Variants in SPATA22 observed in about 807,000 individuals in gnomAD.
SPATA22 encodes the protein spermatogenesis-associated protein 22.
Under a neutral mutation model 47.8 loss-of-function variants are expected in SPATA22, and 29 were observed. The ratio of observed to expected loss-of-function variants is 0.61; its 90% confidence interval spans 0.45 to 0.83. The LOEUF (loss-of-function observed/expected upper bound fraction) is 0.83. SPATA22 is among the 40% of genes least tolerant of loss of function. The probability of loss-of-function intolerance (pLI) is 0.00; values close to 1 mark genes in which losing one functional copy is unlikely to be tolerated. For synonymous variants in SPATA22, 133 were observed against 140.9 expected, an observed-to-expected ratio of 0.94 and a Z score of 0.40; for missense variants, 410 against 421.7, an observed-to-expected ratio of 0.97 and a Z score of 0.24.
intron 3 of SPATA22, among the ~76,000 whole-genome samples, chr17:3,464,575 G>A (rs1373201697): frequency 7.0e-6 from 1 of 141,988 alleles, no homozygotes; most frequent in Non-Finnish European, 1.6e-5. Flanking sequence ...AGGAAGTGAG[G>A]AGCGTCTCTG....
At chr17:3,499,267 T>G (rs528643312) in intron 1 of SPATA22, 30 of 544,752 alleles carry the variant, frequency 5.5e-5, no homozygotes, top group Non-Finnish European at 8.5e-5. Flanking sequence ...AGATATCATA[T>G]TTTATGTATG....
At chr17:3,509,748 T>C (rs2074087253) in intron 1 of SPATA22, among the ~76,000 whole-genome samples, 1 of 152,212 alleles carries the variant, frequency 6.6e-6, no homozygotes, top group African/African-American at 2.4e-5. Flanking sequence ...CATACTGTCT[T>C]CCTCAATTGT....
At chr17:3,507,919 C>T (rs987768761) in intron 1 of SPATA22, among the ~76,000 whole-genome samples, 1 of 152,134 alleles carries the variant, frequency 6.6e-6, no homozygotes, top group African/African-American at 2.4e-5. Context: ...TTTTTCTACC[C>T]GTCCACCCAA....
chr17:3,489,302 G>T, intron 1 of SPATA22: 1 of 1,613,270 alleles, frequency 6.2e-7, no homozygotes, highest in East Asian at 2.2e-5. Flanking sequence ...TGAGAAAAAT[G>T]ATTAAACATG....
chr17:3,444,903 A>C (rs2072692235), intron 7 of SPATA22, among the ~76,000 whole-genome samples: 1 of 152,034 alleles, frequency 6.6e-6, no homozygotes, highest in Admixed American at 6.6e-5. Context: ...GCACTATGAA[A>C]GCTAACCATC....
chr17:3,469,318 C>A lies in SPATA22; in HGVS notation c.8G>T (p.Arg3Leu). The change falls in exon 2 of 9, where the codon CGA becomes CTA. Residue 3 changes from arginine (R) to leucine (L), a missense_variant. By Grantham distance (102) the Arg-to-Leu change is moderately radical (BLOSUM62 -2). Transcript: ENST00000572969. MK[R>L]SLNENSARST... Reference sequence around the variant, plus strand: ...TCGAGCTGAATTTTCATTTAGGCTTCGCTTCATTTCCTTCAATATCAAAAT... The same window carrying A: ...TCGAGCTGAATTTTCATTTAGGCTTAGCTTCATTTCCTTCAATATCAAAAT... The A allele has an allele frequency of 6.4e-7, 1 of 1,569,090 alleles. No individual in the cohort carries two copies.
At chr17:3,496,346 A>G (rs1209317787) in intron 1 of SPATA22, among the ~76,000 whole-genome samples, 1 of 152,248 alleles carries the variant, frequency 6.6e-6, no homozygotes, top group African/African-American at 2.4e-5. Flanking sequence ...TAAGTGCTGT[A>G]AAAGAAATAC....
intron 1 of SPATA22, among the ~76,000 whole-genome samples, chr17:3,491,170 A>T (rs1417280087): frequency 1.3e-5 from 2 of 152,226 alleles, no homozygotes; most frequent in Non-Finnish European, 2.9e-5. Flanking sequence ...GATAGCAGGA[A>T]AACATCCTGG....
chr17:3,488,324 A>G lies in SPATA22; in HGVS notation c.-73-18926T>C, dbSNP rs536651680. Among the ~76,000 whole-genome samples the G allele has an allele frequency of 6.6e-6, 1 of 152,316 alleles. No individual in the cohort carries two copies. The highest frequency in any genetic ancestry group is 2.1e-4 in the South Asian group (1 of 4,830). On this transcript the variant is annotated intron_variant, in intron 1 of 8. Coordinates refer to the SPATA22 transcript ENST00000541913. This position sits in a 1 kb window ranked among gnomAD's most constrained non-coding sequence, Gnocchi z 6.1. The stretch of plus-strand genomic sequence containing the variant: ...CCTAATAGTACAGGCATCATTTCAT[A>G]TGAGTTAGAAGAAATGAACACAAGT...
chr17:3,474,855 C>T (rs922825714), upstream of SPATA22, among the ~76,000 whole-genome samples: 2 of 152,168 alleles, frequency 1.3e-5, no homozygotes, highest in Non-Finnish European at 2.9e-5. Context: ...ACCCTATTGT[C>T]CTGTGAAAAA....
intron 1 of SPATA22, among the ~76,000 whole-genome samples, chr17:3,491,929 G>A (rs2073833513): frequency 1.4e-5 from 2 of 146,164 alleles, no homozygotes; most frequent in Non-Finnish European, 3.0e-5. Flanking sequence ...CTAGGCTGGA[G>A]TGCAGTGGTC....
chr17:3,450,129 AGG>A (rs2072823476), intron 5 of SPATA22, among the ~76,000 whole-genome samples: 1 of 152,218 alleles, frequency 6.6e-6, no homozygotes, highest in African/African-American at 2.4e-5. Flanking sequence ...CTGGGGCTAG[AGG>A]CATAAGCCAC....
intron 1 of SPATA22, among the ~76,000 whole-genome samples, chr17:3,486,988 C>T (rs1400385207): frequency 3.3e-5 from 5 of 152,086 alleles, no homozygotes; most frequent in South Asian, 2.1e-4. Flanking sequence ...AATGAGACCA[C>T]GGTTAATCTG....
At chr17:3,455,303 G>C (rs1442802443) in intron 5 of SPATA22, among the ~76,000 whole-genome samples, 1 of 152,054 alleles carries the variant, frequency 6.6e-6, no homozygotes. Context: ...AGTTTCATTA[G>C]ATCCCATTTG....
intron 2 of SPATA22, chr17:3,468,885 A>G (rs7209613): frequency 0.88 from 827,244 of 942,994 alleles, 365,701 homozygotes; most frequent in Non-Finnish European, 0.9. Flanking sequence ...CATCCTTGCC[A>G]TCTGTCTTTA....
intron 5 of SPATA22, among the ~76,000 whole-genome samples, chr17:3,459,018 G>A (rs564043922): frequency 1.5e-5 from 2 of 135,916 alleles, no homozygotes; most frequent in African/African-American, 5.4e-5. Flanking sequence ...CCTAGAGGAT[G>A]TTATGCTAAG....
chr17:3,465,642 C>T (rs2073286776), intron 3 of SPATA22, among the ~76,000 whole-genome samples: 1 of 151,162 alleles, frequency 6.6e-6, no homozygotes, highest in South Asian at 2.1e-4. Flanking sequence ...ACAAACACTG[C>T]GGAAGGCCGC....
At chr17:3,478,209 A>G (rs951193721) in intron 1 of SPATA22, among the ~76,000 whole-genome samples, 2 of 151,928 alleles carry the variant, frequency 1.3e-5, no homozygotes, top group African/African-American at 4.8e-5. Flanking sequence ...ATATATATAT[A>G]AGATATGCAC....
chr17:3,493,498 T>C (rs1370492668), intron 1 of SPATA22, among the ~76,000 whole-genome samples: 1 of 138,114 alleles, frequency 7.2e-6, no homozygotes, highest in African/African-American at 2.8e-5. Context: ...GAGGTGGAGG[T>C]TGCAGTGAGC....
Sources: gnomAD v4.1 joint callset for allele counts (sites outside exome capture counted in the v4.1 genomes callset) on GRCh38, gnomAD v4.1.1 for gene constraint, Gnocchi (gnomAD v3.1) non-coding constraint, MANE v1.5 for transcripts, NCBI Gene and HGNC (gene_info 2026-07-23, HGNC 2026-07-21) for gene names.